The following RGS6 variants were observed in gnomAD, a reference collection of about 807,000 sequenced individuals.
The protein encoded by RGS6 is regulator of G protein signaling 6, also known as regulator of G-protein signaling 6.
A neutral mutation model predicts 78.5 loss-of-function variants in RGS6; 30 were observed. That is an observed-to-expected ratio of 0.38 (90% confidence interval 0.29 to 0.52). The LOEUF (loss-of-function observed/expected upper bound fraction) is 0.52, where lower values mean the gene tolerates loss of function less well. RGS6 is among the 20% of genes least tolerant of loss of function. RGS6 has a pLI of 0.85. For synonymous variants in RGS6, 206 were observed against 206.0 expected (o/e 1.00, Z 0.00); for missense variants, 495 against 609.7 (o/e 0.81, Z 1.98).
chr14:72,028,108 GC>G (rs2090223599), intron 2 of RGS6, among the ~76,000 whole-genome samples: 1 of 152,196 alleles, frequency 6.6e-6, no homozygotes, highest in South Asian at 2.1e-4. Context: ...CAGGTAGGCT[GC>G]CTTTAATTTG....
rs140399457 is a variant in RGS6, at chr14:72,327,241, C to T, written c.85-24854C>T. Among the ~76,000 whole-genome samples, 80 of 152,192 alleles carry T rather than the reference C, an allele frequency of 5.3e-4. No individual in the cohort carries two copies. In the East Asian group the frequency reaches 0.014, roughly 26 times the overall value. ...CCAATTCAAACTCCACATCTGCTAC[C>T]TCCAGCTTTGTGACCTAGAGCAAAC... On this transcript the variant is annotated intron_variant, in intron 2 of 17. Transcript: ENST00000553525.
At chr14:71,957,837 C>T (rs2092907871) in intron 1 of RGS6, among the ~76,000 whole-genome samples, 1 of 152,084 alleles carries the variant, frequency 6.6e-6, no homozygotes, top group Admixed American at 6.6e-5. Flanking sequence ...GTGATCATAG[C>T]TCAGTGTAGC....
chr14:72,609,723 G>A, the RGS6 span, among the ~76,000 whole-genome samples: 4 of 152,174 alleles, frequency 2.6e-5, no homozygotes, highest in African/African-American at 9.7e-5. Flanking sequence ...GGTGGGAGGT[G>A]GGAGCTTTTT....
At chr14:72,196,574 T>C (rs2040213267) in intron 2 of RGS6, among the ~76,000 whole-genome samples, 2 of 152,206 alleles carry the variant, frequency 1.3e-5, no homozygotes, top group South Asian at 4.1e-4. Context: ...TCCAGAGCTC[T>C]TCTGAAGTTC....
chr14:72,156,274 G>A (rs1267491735), intron 2 of RGS6, among the ~76,000 whole-genome samples: 1 of 152,040 alleles, frequency 6.6e-6, no homozygotes, highest in African/African-American at 2.4e-5. Flanking sequence ...GTGAAACCTT[G>A]TCTCTACTAA....
chr14:71,970,785 T>C (rs2093754389), intron 2 of RGS6, among the ~76,000 whole-genome samples: 1 of 152,114 alleles, frequency 6.6e-6, no homozygotes, highest in African/African-American at 2.4e-5. Flanking sequence ...AATGGGGAAC[T>C]AGACAATTAC....
intron 15 of RGS6, among the ~76,000 whole-genome samples, chr14:72,524,743 A>G (rs1196597531): frequency 1.3e-5 from 2 of 151,992 alleles, no homozygotes; most frequent in African/African-American, 4.8e-5. Flanking sequence ...TTTTTTTGCC[A>G]TCAGGCAGAG....
rs558863936 is a variant in RGS6 at position 72,199,502 on chromosome 14, G to T, written c.85-152593G>T. Among the ~76,000 whole-genome samples, 6 of 152,306 alleles carry T rather than the reference G, an allele frequency of 3.9e-5. No individual in the cohort carries two copies. In the East Asian group the frequency reaches 1.2e-3, roughly 29 times the overall value. ...AGTCTATGCATTATTCAAGCTTGTTGTGAATGCTGACTTCCTATAGCACTT... is the reference window on the plus strand; with the variant it reads ...AGTCTATGCATTATTCAAGCTTGTTTTGAATGCTGACTTCCTATAGCACTT... On this transcript the variant is annotated intron_variant, in intron 2 of 17. Coordinates refer to ENST00000553525, the MANE Select transcript of RGS6 (RefSeq NM_001204424.2).
At chr14:72,458,235 T>A in intron 4 of RGS6, 36 bp from the exon 5 acceptor site, 1 of 1,528,410 alleles carries the variant, frequency 6.5e-7, no homozygotes. Context: ...TAACCTGCTT[T>A]CTAATTCCTT....
At chr14:72,364,025 A>AAAAAC (rs1566633003) in intron 3 of RGS6, among the ~76,000 whole-genome samples, 1 of 151,066 alleles carries the variant, frequency 6.6e-6, no homozygotes, top group African/African-American at 2.4e-5. Flanking sequence ...AAAAAAAAAA[A>AAAAAC]ACTCTATATT....
At chr14:72,512,056 T>C (rs1480164073) in intron 14 of RGS6, among the ~76,000 whole-genome samples, 4 of 152,088 alleles carry the variant, frequency 2.6e-5, no homozygotes, top group African/African-American at 9.7e-5. Context: ...TCAGTCCCAG[T>C]TTCCACCCCC....
chr14:72,427,849 G>A (rs557407772), intron 3 of RGS6, among the ~76,000 whole-genome samples: 4 of 152,290 alleles, frequency 2.6e-5, no homozygotes, highest in African/African-American at 9.6e-5. Context: ...TGGAGTAGTA[G>A]AGAGGACTCT....
chr14:72,317,951 G>C (rs987207334), intron 2 of RGS6, among the ~76,000 whole-genome samples: 2 of 152,136 alleles, frequency 1.3e-5, no homozygotes, highest in African/African-American at 4.8e-5. Context: ...TTTGACAAAA[G>C]ACAAAAACAG....
At chr14:72,059,221 C>G (rs147981321) in intron 2 of RGS6, among the ~76,000 whole-genome samples, 9 of 152,234 alleles carry the variant, frequency 5.9e-5, no homozygotes, top group Non-Finnish European at 1.0e-4. Context: ...TTTCAATACT[C>G]TTTTCTCAGG....
intron 2 of RGS6, among the ~76,000 whole-genome samples, chr14:72,297,937 G>A (rs1479117496): frequency 6.6e-6 from 1 of 150,376 alleles, no homozygotes; most frequent in Non-Finnish European, 1.5e-5. Context: ...GTTTTTTTTT[G>A]AAGATTATAG....
intron 2 of RGS6, among the ~76,000 whole-genome samples, chr14:72,037,030 C>T (rs187361601): frequency 2.0e-5 from 3 of 152,246 alleles, no homozygotes; most frequent in African/African-American, 4.8e-5. Context: ...ATTGTAAATA[C>T]ACCAATCAGC....
At chr14:71,913,674 T>A in the RGS6 span, among the ~76,000 whole-genome samples, 2 of 152,228 alleles carry the variant, frequency 1.3e-5, no homozygotes, top group African/African-American at 4.8e-5. Flanking sequence ...CTTGGAACAA[T>A]TTTTTATTGC....
chr14:71,963,931 C>T (rs2093359876), intron 1 of RGS6, among the ~76,000 whole-genome samples: 1 of 152,086 alleles, frequency 6.6e-6, no homozygotes, highest in Non-Finnish European at 1.5e-5. Flanking sequence ...TTTGAGGAAA[C>T]ACTAAGCTGT....
intron 3 of RGS6, among the ~76,000 whole-genome samples, chr14:72,410,800 T>C (rs949438431): frequency 2.0e-5 from 3 of 152,222 alleles, no homozygotes; most frequent in African/African-American, 4.8e-5. Context: ...TAGCCAGTTT[T>C]CCCAGCACCA....
Sources: allele counts gnomAD v4.1 joint callset (sites outside exome capture counted in the v4.1 genomes callset), GRCh38; gene constraint gnomAD v4.1.1; transcripts MANE v1.5; gene names NCBI Gene and HGNC (gene_info 2026-07-23, HGNC 2026-07-21).